The following CLSTN2 variants were observed in gnomAD, a reference collection of about 807,000 sequenced individuals.
The protein encoded by CLSTN2 is calsyntenin 2, also known as calsyntenin-2.
A neutral mutation model predicts 101.2 loss-of-function variants in CLSTN2; 48 were observed. The ratio of observed to expected loss-of-function variants is 0.47; its 90% CI spans 0.38 to 0.60. CLSTN2 has a LOEUF of 0.60. Ranked by LOEUF, CLSTN2 falls within the 20% of genes least tolerant of loss-of-function variation. CLSTN2 has a pLI of 0.00. For missense variants in CLSTN2, 1,160 were observed against 1,238.2 expected, an observed-to-expected ratio of 0.94 and a Z score of 0.95; for synonymous variants, 481 against 463.6, an observed-to-expected ratio of 1.04 and a Z score of -0.48.
intron 1 of CLSTN2, among the ~76,000 whole-genome samples, chr3:139,970,130 T>A (rs1365499560): frequency 6.6e-6 from 1 of 152,196 alleles, no homozygotes; most frequent in Non-Finnish European, 1.5e-5. Context: ...GATTTGGATG[T>A]AATTTGGGCT....
chr3:140,395,032 G>A lies in CLSTN2; in HGVS notation c.233-8597G>A, dbSNP rs77204145. 5.8e-3 allele frequency among the ~76,000 whole-genome samples: 880 copies of A among 152,168 alleles called. 8 individuals are homozygous for A. Among genetic ancestry groups the A allele is most frequent in the Middle Eastern group, 0.037 (11 of 294 alleles). On this transcript the variant is annotated intron_variant, in intron 2 of 16. Coordinates refer to ENST00000458420, the MANE Select transcript of CLSTN2 (RefSeq NM_022131.3). Reference sequence around the variant, plus strand: ...TCTCAGCATATAAATAAGTTTTTACGTCATGTATTCACCCAACAAATATTG... The same window carrying A: ...TCTCAGCATATAAATAAGTTTTTACATCATGTATTCACCCAACAAATATTG...
At chr3:140,214,342 T>C (rs1358966700) in intron 2 of CLSTN2, among the ~76,000 whole-genome samples, 2 of 152,010 alleles carry the variant, frequency 1.3e-5, no homozygotes, top group Non-Finnish European at 2.9e-5. Flanking sequence ...TAGTCCCAGC[T>C]ACTCGGGAGG....
rs537120614 is a variant in CLSTN2, at chr3:140,445,662, C to T, written c.788-2857C>T. Among the ~76,000 whole-genome samples the T allele has an allele frequency of 4.6e-5, 7 of 152,192 alleles. No individual in the cohort carries two copies. In the South Asian group the frequency reaches 8.3e-4, roughly 18 times the overall value. On this transcript the variant is annotated intron_variant, in intron 5 of 16. Transcript: ENST00000458420. Reference sequence around the variant, plus strand: ...GTCCAGCAGGAGTGAAGATACAGGCCGGTGGGATCAGTACCAGAGAAGCTG... The same window carrying T: ...GTCCAGCAGGAGTGAAGATACAGGCTGGTGGGATCAGTACCAGAGAAGCTG...
At chr3:140,116,984 A>G (rs1250784626) in intron 1 of CLSTN2, among the ~76,000 whole-genome samples, 5 of 152,170 alleles carry the variant, frequency 3.3e-5, no homozygotes, top group African/African-American at 1.2e-4. Context: ...GTCTTCTGAA[A>G]TTGCTCCCAT....
Position 140,451,498 on chromosome 3 carries a change from A to G in CLSTN2, c.973+2794A>G, listed in dbSNP as rs75896829. ...GGCACTGCCCCCCACACCTATGGTA[A>G]TCCTGTCCCAATAACCCTGCTGAGC... On this transcript the variant is annotated intron_variant, in intron 6 of 16. Coordinates refer to ENST00000458420, the MANE Select transcript of CLSTN2 (RefSeq NM_022131.3). Among the ~76,000 whole-genome samples the G allele has an allele frequency of 4.7e-3, 715 of 152,178 alleles. 4 individuals carry two copies. Among genetic ancestry groups the G allele is most frequent in the African/African-American group, 0.016 (682 of 41,512 alleles).
At chr3:139,973,528 T>A (rs910029824) in intron 1 of CLSTN2, among the ~76,000 whole-genome samples, 2 of 152,252 alleles carry the variant, frequency 1.3e-5, no homozygotes, top group Non-Finnish European at 2.9e-5. Context: ...TCTGCAACAC[T>A]GGAGACAGGG....
intron 2 of CLSTN2, among the ~76,000 whole-genome samples, chr3:140,326,248 A>T (rs1051911404): frequency 2.6e-5 from 4 of 152,188 alleles, no homozygotes; most frequent in Non-Finnish European, 4.4e-5. Context: ...ATAAATCTTC[A>T]TGTCCTTGTC....
At chr3:139,959,922 C>A (rs189251357) in intron 1 of CLSTN2, among the ~76,000 whole-genome samples, 173 of 152,254 alleles carry the variant, frequency 1.1e-3, no homozygotes, top group African/African-American at 4.1e-3. Flanking sequence ...TCCTCTCCCA[C>A]CCCCTACCAG....
intron 5 of CLSTN2, among the ~76,000 whole-genome samples, chr3:140,422,545 A>T (rs1447923957): frequency 3.9e-5 from 6 of 152,198 alleles, no homozygotes; most frequent in Non-Finnish European, 7.3e-5. Flanking sequence ...CCACCTCTGG[A>T]GAGAGCCAGA....
chr3:140,034,490 C>T (rs989595051), intron 1 of CLSTN2, among the ~76,000 whole-genome samples: 1 of 152,290 alleles, frequency 6.6e-6, no homozygotes, highest in Non-Finnish European at 1.5e-5. Context: ...ACCCTGTGTT[C>T]TTTTCTTGGG....
intron 5 of CLSTN2, among the ~76,000 whole-genome samples, chr3:140,424,483 A>T (rs2107993375): frequency 6.6e-6 from 1 of 152,272 alleles, no homozygotes. Context: ...ATTCTCTCTT[A>T]TATCCCTGGT....
Position 139,984,888 on chromosome 3 carries a change from C to T in CLSTN2, c.109+49405C>T, listed in dbSNP as rs76744567. Among the ~76,000 whole-genome samples, 247 of 152,326 alleles carry T rather than the reference C, an allele frequency of 1.6e-3. 7 individuals carry two copies. The East Asian group carries it at 0.035, about 22-fold the overall frequency. On this transcript the variant is annotated intron_variant, in intron 1 of 16. Coordinates refer to ENST00000458420, the MANE Select transcript of CLSTN2 (RefSeq NM_022131.3). ...AAACAGAATGCTTCTTCCCCTACTC[C>T]CCACTGCCAATCCTCAGCAAATCTG...
At chr3:140,045,392 G>A (rs1351950508) in intron 1 of CLSTN2, among the ~76,000 whole-genome samples, 17 of 151,900 alleles carry the variant, frequency 1.1e-4, no homozygotes, top group Non-Finnish European at 1.9e-4. Flanking sequence ...ATTTTTTGTT[G>A]CGTCTATTTG....
chr3:140,087,185 G>T (rs569603264), intron 1 of CLSTN2, among the ~76,000 whole-genome samples: 1 of 152,250 alleles, frequency 6.6e-6, no homozygotes, highest in East Asian at 1.9e-4. Flanking sequence ...AGACCAACCA[G>T]ATTGTAGTTG....
chr3:140,263,823 A>AAGTTT (rs1559822900), intron 2 of CLSTN2, among the ~76,000 whole-genome samples: 2 of 152,190 alleles, frequency 1.3e-5, no homozygotes, highest in Admixed American at 1.3e-4. Context: ...CCTTGAAAGA[A>AAGTTT]AGTTTACAGT....
intron 8 of CLSTN2, among the ~76,000 whole-genome samples, chr3:140,480,788 G>C (rs543605024): frequency 1.3e-5 from 2 of 152,224 alleles, no homozygotes; most frequent in South Asian, 4.2e-4. Context: ...CTTGTTGATG[G>C]GGTTGTTTGT....
chr3:139,949,595 T>A (rs1226901659), intron 1 of CLSTN2, among the ~76,000 whole-genome samples: 1 of 152,182 alleles, frequency 6.6e-6, no homozygotes, highest in Non-Finnish European at 1.5e-5. Context: ...CCCAGGGTCA[T>A]GAGCCTCTGC....
At chr3:140,512,761 C>T (rs531722202) in intron 8 of CLSTN2, among the ~76,000 whole-genome samples, 64 of 152,194 alleles carry the variant, frequency 4.2e-4, no homozygotes, top group Non-Finnish European at 1.9e-4. Context: ...AATGTCTTTC[C>T]ATTTGTTTAT....
At chr3:140,144,904 G>A (rs1301193471) in intron 1 of CLSTN2, among the ~76,000 whole-genome samples, 2 of 152,158 alleles carry the variant, frequency 1.3e-5, no homozygotes, top group East Asian at 3.9e-4. Context: ...GGGCCTGGAT[G>A]CCTCCTTGTG....
Sources: gnomAD v4.1 joint callset for allele counts (sites outside exome capture counted in the v4.1 genomes callset) on GRCh38, gnomAD v4.1.1 for gene constraint, MANE v1.5 for transcripts, NCBI Gene and HGNC (gene_info 2026-07-23, HGNC 2026-07-21) for gene names.